Variants in INSR observed in about 807,000 individuals in gnomAD.
INSR encodes the protein IR.
A neutral mutation model predicts 142.6 loss-of-function variants in INSR; 67 were observed. The observed-to-expected ratio is 0.47, with a 90% confidence interval of 0.39 to 0.58. The LOEUF (loss-of-function observed/expected upper bound fraction) is 0.58. Among genes scored for constraint, INSR ranks in the 20% least tolerant of loss-of-function variants. The pLI is 0.00. For synonymous variants in INSR, 756 were observed against 743.1 expected, an observed-to-expected ratio of 1.02 and a Z score of -0.28; for missense variants, 1,248 against 1,833.2, an observed-to-expected ratio of 0.68 and a Z score of 5.83.
In INSR at chr19:7,114,354, TATCAGATAC is replaced by T. The variant is rs879680015; in HGVS notation, c.*2693_*2701del. The stretch of plus-strand genomic sequence containing the variant: ...GTACACCTTGCTGGGTTACCCCATA[TATCAGATAC>T]ATCATGACAGCCTGGAACTTAGTTT... On this transcript the variant is annotated 3_prime_UTR_variant, in exon 22 of 22. Coordinates refer to ENST00000302850, the MANE Select transcript of INSR (RefSeq NM_000208.4). The T allele has an allele frequency of 6.6e-6, 1 of 152,244 alleles. No homozygotes were observed. Among genetic ancestry groups the T allele is most frequent in the Non-Finnish European group, 1.5e-5 (1 of 68,048 alleles). 9.4% of individuals were successfully genotyped at this position (152,244 alleles called of 1,614,324 possible). A position where few individuals can be genotyped will look rare whatever the true frequency, so the allele number is the denominator to read the frequency against.
At chr19:7,253,892 T>C (rs1976809590) in intron 2 of INSR, among the ~76,000 whole-genome samples, 1 of 151,632 alleles carries the variant, frequency 6.6e-6, no homozygotes, top group South Asian at 2.1e-4. Context: ...CAGCCGGGCG[T>C]GGTGGCATGC....
chr19:7,251,344 C>G (rs1318332315), intron 2 of INSR, among the ~76,000 whole-genome samples: 2 of 152,060 alleles, frequency 1.3e-5, no homozygotes, highest in African/African-American at 4.8e-5. Flanking sequence ...ACAGCCTCAA[C>G]CTTCTGTGCT....
Position 7,163,322 on chromosome 19 carries a change from C to T in INSR, c.1862-123G>A, listed in dbSNP as rs188342580. Reference sequence around the variant, plus strand: ...AGGGCACCCATCCCAGCATTTTGGGCGGCCAAGGCAGGCGGATCACGAGGT... The same window carrying T: ...AGGGCACCCATCCCAGCATTTTGGGTGGCCAAGGCAGGCGGATCACGAGGT... On this transcript the variant is annotated intron_variant, in intron 8 of 21. Transcript: ENST00000302850. The T allele has an allele frequency of 1.7e-4, 159 of 960,506 alleles. 1 individual carries two copies. The East Asian group carries it at 3.5e-3, about 21-fold the overall frequency. 59.5% of individuals were successfully genotyped at this position (960,506 alleles called of 1,614,324 possible).
chr19:7,269,338 A>C (rs990613664), intron 1 of INSR, among the ~76,000 whole-genome samples: 1 of 149,114 alleles, frequency 6.7e-6, no homozygotes, highest in African/African-American at 2.5e-5. Context: ...ATCCTGGATC[A>C]CATTCCATGC....
chr19:7,160,303 C>T (rs1020457194), intron 9 of INSR, among the ~76,000 whole-genome samples: 2 of 151,928 alleles, frequency 1.3e-5, no homozygotes, highest in Non-Finnish European at 1.5e-5. Flanking sequence ...TACAGGCCCA[C>T]GCCTGGCTAA....
intron 2 of INSR, among the ~76,000 whole-genome samples, chr19:7,244,340 C>G (rs1261925050): frequency 1.3e-5 from 2 of 152,114 alleles, no homozygotes; most frequent in Non-Finnish European, 2.9e-5. Context: ...CGAGACCAGC[C>G]TGGCCAACAT....
At position 7,116,045 on chromosome 19, in the gene INSR, G is replaced by A. The variant is rs1972313903; in HGVS notation, c.*1011C>T. 1 of 150,130 alleles carries A rather than the reference G, an allele frequency of 6.7e-6. No individual in the cohort carries two copies. The highest frequency in any genetic ancestry group is 2.5e-5 in the African/African-American group (1 of 40,718). 9.3% of individuals were successfully genotyped at this position (150,130 alleles called of 1,614,324 possible). Reference sequence around the variant, plus strand: ...ACCAGAGACTTTAAAAATTAAATATGGTACAAATATATTCTCAAAACTCTG... The same window carrying A: ...ACCAGAGACTTTAAAAATTAAATATAGTACAAATATATTCTCAAAACTCTG... On this transcript the variant is annotated 3_prime_UTR_variant, in exon 22 of 22. Transcript: ENST00000302850.
chr19:7,245,966 G>A (rs547857279), intron 2 of INSR, among the ~76,000 whole-genome samples: 2 of 152,046 alleles, frequency 1.3e-5, no homozygotes, highest in East Asian at 1.9e-4. Flanking sequence ...TCAACAAGTG[G>A]AATTCATAAA....
At chr19:7,199,948 C>A (rs971919501) in intron 2 of INSR, among the ~76,000 whole-genome samples, 1 of 151,868 alleles carries the variant, frequency 6.6e-6, no homozygotes, top group Non-Finnish European at 1.5e-5. Context: ...AACGGAGGGG[C>A]GGGGATTAGG....
At chr19:7,288,243 G>A (rs551995268) in intron 1 of INSR, among the ~76,000 whole-genome samples, 37 of 152,006 alleles carry the variant, frequency 2.4e-4, no homozygotes, top group African/African-American at 8.9e-4. Context: ...GTGACTGTCT[G>A]TGAGCCCAGG....
At chr19:7,256,518 A>G (rs966121672) in intron 2 of INSR, among the ~76,000 whole-genome samples, 1 of 152,064 alleles carries the variant, frequency 6.6e-6, no homozygotes, top group African/African-American at 2.4e-5. Flanking sequence ...ATAATGCAAC[A>G]GTTTGGGAGG....
At chr19:7,153,723 A>T (rs1973513521) in intron 9 of INSR, among the ~76,000 whole-genome samples, 1 of 151,938 alleles carries the variant, frequency 6.6e-6, no homozygotes, top group Non-Finnish European at 1.5e-5. Context: ...GTCTCAAAAG[A>T]TTAAAAATAT....
intron 13 of INSR, among the ~76,000 whole-genome samples, chr19:7,133,149 C>G (rs543396989): frequency 6.6e-6 from 1 of 152,164 alleles, no homozygotes; most frequent in African/African-American, 2.4e-5. Flanking sequence ...GTAGTCCCAG[C>G]TACTCAGGAG....
At chr19:7,153,358 C>CACCACACCCCA (rs1973485522) in intron 9 of INSR, among the ~76,000 whole-genome samples, 1 of 94,334 alleles carries the variant, frequency 1.1e-5, no homozygotes, top group East Asian at 7.8e-4. Context: ...AGACCACACA[C>CACCACACCCCA]CACACACCCC....
In INSR at chr19:7,193,132, T is replaced by TC. The variant is rs549327936; in HGVS notation, c.653-8496dup. Among the ~76,000 whole-genome samples, 316 of 151,260 alleles carry TC rather than the reference T, an allele frequency of 2.1e-3. 2 individuals are homozygous for TC. The highest frequency in any genetic ancestry group is 7.2e-3 in the African/African-American group (296 of 41,310). ...TTTCTTTTTTTTCTTTTTTTTTTTT[T>TC]CCCCAGATGGAGTCTCACTCTTGTC... On this transcript the variant is annotated intron_variant, in intron 2 of 21. Transcript: ENST00000302850.
At chr19:7,219,938 A>T (rs1481589428) in intron 2 of INSR, among the ~76,000 whole-genome samples, 1 of 151,740 alleles carries the variant, frequency 6.6e-6, no homozygotes, top group Non-Finnish European at 1.5e-5. Flanking sequence ...TATCACTCCC[A>T]CTAAAGTCCC....
chr19:7,146,249 T>C (rs1445714872), intron 11 of INSR, among the ~76,000 whole-genome samples: 1 of 149,036 alleles, frequency 6.7e-6, no homozygotes, highest in Non-Finnish European at 1.5e-5. Context: ...TTTTTTTTTT[T>C]TTTTTTTTTG....
intron 9 of INSR, among the ~76,000 whole-genome samples, chr19:7,153,226 CCA>C (rs1226273242): frequency 2.9e-3 from 2 of 690 alleles, no homozygotes; most frequent in East Asian, 0.022. Flanking sequence ...CACACACGCA[CCA>C]CACACACACC....
intron 4 of INSR, among the ~76,000 whole-genome samples, chr19:7,173,202 G>A (rs962436753): frequency 6.6e-6 from 1 of 152,082 alleles, no homozygotes; most frequent in African/African-American, 2.4e-5. Flanking sequence ...AATATCTGTC[G>A]ATTTACTTAT....
Sources: gnomAD v4.1 joint callset for allele counts (sites outside exome capture counted in the v4.1 genomes callset) on GRCh38, gnomAD v4.1.1 for gene constraint, MANE v1.5 for transcripts, NCBI Gene and HGNC (gene_info 2026-07-23, HGNC 2026-07-21) for gene names.